The following TRIM55 variants were observed in gnomAD, a reference collection of about 807,000 sequenced individuals.
TRIM55 encodes tripartite motif containing 55, also known as tripartite motif-containing protein 55.
A neutral mutation model predicts 60.9 loss-of-function variants in TRIM55; 50 were observed. The ratio of observed to expected loss-of-function variants is 0.82; its 90% CI spans 0.65 to 1.04. TRIM55 has a LOEUF of 1.04. Ranked by LOEUF, TRIM55 falls within the 50% of genes least tolerant of loss-of-function variation. TRIM55 has a pLI of 0.00. For synonymous variants in TRIM55, 237 were observed against 238.1 expected (o/e 1.00, Z 0.04); for missense variants, 681 against 666.9 (o/e 1.02, Z -0.23).
rs1484122274 is a variant in TRIM55, at chr8:66,154,024, TGAA to T, written c.1237-22_1237-20del. Reference sequence around the variant, plus strand: ...TCTTCTTTTTTTTTTTCTTTACTTTTGAATTTATCTGTCCTGATTAAGGGGGAG... The same window carrying T: ...TCTTCTTTTTTTTTTTCTTTACTTTTTTTATCTGTCCTGATTAAGGGGGAG... On this transcript the variant is annotated intron_variant, in intron 8 of 9. Transcript: ENST00000315962. 1 of 1,563,252 alleles carries T rather than the reference TGAA, an allele frequency of 6.4e-7. No individual in the cohort carries two copies. The highest frequency in any genetic ancestry group is 8.6e-7 in the Non-Finnish European group (1 of 1,159,714).
intron 2 of TRIM55, among the ~76,000 whole-genome samples, chr8:66,130,623 G>C (rs1809089957): frequency 6.6e-6 from 1 of 151,106 alleles, no homozygotes; most frequent in South Asian, 2.1e-4. Context: ...CCTCCAGAAA[G>C]GCTGGAGACT....
At chr8:66,152,703 A>C in intron 8 of TRIM55, 76 bp downstream of exon 8, 1 of 1,521,590 alleles carries the variant, frequency 6.6e-7, no homozygotes, top group African/African-American at 1.4e-5. Context: ...AATTTACCCT[A>C]TTCTGCCTTA....
intron 9 of TRIM55, among the ~76,000 whole-genome samples, chr8:66,173,063 A>G (rs963167626): frequency 2.6e-5 from 4 of 152,142 alleles, no homozygotes; most frequent in Admixed American, 1.3e-4. Flanking sequence ...TTCTGTCAGG[A>G]TAATGTTTAT....
chr8:66,172,131 G>GTAA (rs1811677416), intron 9 of TRIM55, among the ~76,000 whole-genome samples: 1 of 152,124 alleles, frequency 6.6e-6, no homozygotes, highest in African/African-American at 2.4e-5. Context: ...TGAGGCATGT[G>GTAA]TAAAGTGCTT....
chr8:66,163,953 G>A (rs1174734043), intron 9 of TRIM55, among the ~76,000 whole-genome samples: 1 of 151,624 alleles, frequency 6.6e-6, no homozygotes, highest in South Asian at 2.1e-4. Flanking sequence ...AACTGTTTAG[G>A]TACATTCATA....
upstream of TRIM55, among the ~76,000 whole-genome samples, chr8:66,124,853 A>G (rs1173070335): frequency 6.6e-6 from 1 of 152,232 alleles, no homozygotes; most frequent in African/African-American, 2.4e-5. Flanking sequence ...TTGACAGCTT[A>G]TCTTCACAGG....
At chr8:66,141,079 G>A (rs1349125138) in intron 4 of TRIM55, among the ~76,000 whole-genome samples, 1 of 152,146 alleles carries the variant, frequency 6.6e-6, no homozygotes, top group Non-Finnish European at 1.5e-5. Flanking sequence ...ATGTCACACA[G>A]GACTGGCCTG....
At position 66,152,368 on chromosome 8, in the gene TRIM55, C is replaced by T. The variant is rs1810478184; in HGVS notation, c.986-9C>T. On this transcript the variant is annotated splice_polypyrimidine_tract_variant and intron_variant, in intron 7 of 9. Transcript: ENST00000315962. The stretch of plus-strand genomic sequence containing the variant: ...TTATAACAATTTACAAGATACCTTA[C>T]CTTACCAGAAGATGAAGATGAAGAA... 1 of 1,567,114 alleles carries T rather than the reference C, an allele frequency of 6.4e-7. No homozygotes were observed. The highest frequency in any genetic ancestry group is 1.9e-5 in the Admixed American group (1 of 52,198).
At chr8:66,149,192 G>A (rs952891406) in intron 4 of TRIM55, among the ~76,000 whole-genome samples, 1 of 152,112 alleles carries the variant, frequency 6.6e-6, no homozygotes, top group South Asian at 2.1e-4. Flanking sequence ...CTATATAGGA[G>A]GACTGAAACT....
the TRIM55 span, among the ~76,000 whole-genome samples, chr8:66,114,181 C>T: frequency 2.7e-5 from 4 of 149,762 alleles, no homozygotes; most frequent in Admixed American, 6.8e-5. Flanking sequence ...TAAGCCGTGC[C>T]CAGCCGTGGG....
rs563025853 is a variant in TRIM55 at position 66,155,381 on chromosome 8, C to A, written c.1524+1047C>A. On this transcript the variant is annotated intron_variant, in intron 9 of 9. Coordinates refer to ENST00000315962, the MANE Select transcript of TRIM55 (RefSeq NM_184085.2). Reference sequence around the variant, plus strand: ...AAATAAATGTTTGGTGGGAAGAAATCTTATGAGGTGGTTTTTAGGTAAAAG... The same window carrying A: ...AAATAAATGTTTGGTGGGAAGAAATATTATGAGGTGGTTTTTAGGTAAAAG... Among the ~76,000 whole-genome samples, 17 of 152,222 alleles carry A rather than the reference C, an allele frequency of 1.1e-4. 1 individual carries two copies. The South Asian group carries it at 1.5e-3, about 13-fold the overall frequency.
chr8:66,130,088 A>G (rs1011772387), intron 2 of TRIM55, among the ~76,000 whole-genome samples: 2 of 152,242 alleles, frequency 1.3e-5, no homozygotes, highest in Non-Finnish European at 2.9e-5. Context: ...TGGGAACTTG[A>G]GACATGAAAA....
At chr8:66,157,280 G>A (rs1586233423) in intron 9 of TRIM55, among the ~76,000 whole-genome samples, 1 of 152,124 alleles carries the variant, frequency 6.6e-6, no homozygotes, top group East Asian at 1.9e-4. Context: ...TTACTGTATA[G>A]TTCTTGGTGT....
At chr8:66,153,822 C>T (rs894888378) in intron 8 of TRIM55, among the ~76,000 whole-genome samples, 5 of 152,100 alleles carry the variant, frequency 3.3e-5, no homozygotes, top group African/African-American at 1.2e-4. Context: ...AAGACAAGCT[C>T]AGAAAAGAAG....
At chr8:66,153,226 A>G (rs893434691) in intron 8 of TRIM55, among the ~76,000 whole-genome samples, 8 of 152,102 alleles carry the variant, frequency 5.3e-5, no homozygotes, top group African/African-American at 1.9e-4. Context: ...CTGGTTTTCT[A>G]TGGATTTGTC....
intron 4 of TRIM55, among the ~76,000 whole-genome samples, chr8:66,140,618 C>T (rs917050708): frequency 1.3e-5 from 2 of 152,224 alleles, no homozygotes; most frequent in Admixed American, 6.5e-5. Flanking sequence ...GAGCCAGTTC[C>T]ATATCAGTGG....
intron 4 of TRIM55, among the ~76,000 whole-genome samples, chr8:66,143,794 C>A (rs73249958): frequency 0.026 from 3,967 of 152,142 alleles, 175 homozygotes; most frequent in African/African-American, 0.085. Flanking sequence ...ATGCTGGGAA[C>A]TAGTGATGAG....
intron 9 of TRIM55, among the ~76,000 whole-genome samples, chr8:66,161,316 G>A (rs1811037363): frequency 6.6e-6 from 1 of 152,016 alleles, no homozygotes; most frequent in African/African-American, 2.4e-5. Flanking sequence ...TGTTTGTTTT[G>A]TCGAAGATCA....
At position 66,166,000 on chromosome 8, in the gene TRIM55, G is replaced by A. The variant is rs552567892; in HGVS notation, c.1525-8471G>A. On this transcript the variant is annotated intron_variant, in intron 9 of 9. Transcript: ENST00000315962. ...AGTGCCAGATATTGGGGGCCTTGGG[G>A]AAATTTACATCCAGGTCCCCACAGC... 1.5e-4 allele frequency among the ~76,000 whole-genome samples: 23 copies of A among 151,932 alleles called. No individual in the cohort carries two copies. In the South Asian group the frequency reaches 4.8e-3, roughly 32 times the overall value.
Sources: allele counts gnomAD v4.1 joint callset (sites outside exome capture counted in the v4.1 genomes callset), GRCh38; gene constraint gnomAD v4.1.1; transcripts MANE v1.5; gene names NCBI Gene and HGNC (gene_info 2026-07-23, HGNC 2026-07-21).